INPP4B: variants seen among roughly 807,000 people sequenced by gnomAD.
The protein encoded by INPP4B is inositol polyphosphate-4-phosphatase type II B.
Under a neutral mutation model 122.5 loss-of-function variants are expected in INPP4B, and 55 were observed. The observed-to-expected ratio is 0.45, with a 90% CI of 0.36 to 0.56. The LOEUF is 0.56. Among genes scored for constraint, INPP4B ranks in the 20% least tolerant of loss-of-function variants. The pLI, the probability that INPP4B is intolerant of heterozygous loss-of-function variation, is 0.00. For synonymous variants in INPP4B, 403 were observed against 388.7 expected (o/e 1.04, Z -0.43); for missense variants, 1,000 against 1,097.7 (o/e 0.91, Z 1.26).
chr4:142,763,211 C>A (rs1456033247), intron 1 of INPP4B, among the ~76,000 whole-genome samples: 1 of 152,158 alleles, frequency 6.6e-6, no homozygotes, highest in African/African-American at 2.4e-5. Flanking sequence ...TTATTTCAAT[C>A]TTAAATGATA....
intron 3 of INPP4B, among the ~76,000 whole-genome samples, chr4:142,444,283 T>C (rs927888108): frequency 1.3e-5 from 2 of 152,118 alleles, no homozygotes; most frequent in African/African-American, 4.8e-5. Context: ...AATGGATAGA[T>C]TGCAAAAATT....
intron 22 of INPP4B, 65 bp from the exon 23 acceptor site, chr4:142,108,255 C>T: frequency 2.5e-6 from 2 of 812,992 alleles, no homozygotes; most frequent in Non-Finnish European, 2.1e-6. Context: ...ACACATTTTA[C>T]CTTTCCTTTT....
chr4:142,442,639 G>C (rs1010487968), intron 3 of INPP4B, among the ~76,000 whole-genome samples: 1 of 152,062 alleles, frequency 6.6e-6, no homozygotes, highest in African/African-American at 2.4e-5. Context: ...CTTAAATGAT[G>C]CATGAAATCA....
intron 1 of INPP4B, among the ~76,000 whole-genome samples, chr4:142,797,327 C>A (rs917215761): frequency 6.6e-6 from 1 of 151,874 alleles, no homozygotes; most frequent in East Asian, 1.9e-4. Flanking sequence ...TGAAACATAG[C>A]ACCTATAAAA....
intron 2 of INPP4B, among the ~76,000 whole-genome samples, chr4:142,548,219 G>T (rs28705195): frequency 6.6e-6 from 1 of 152,144 alleles, no homozygotes; most frequent in Non-Finnish European, 1.5e-5. Context: ...AGTCATGACA[G>T]AGCAATGTTT....
chr4:142,718,105 T>C (rs1363557259), intron 2 of INPP4B, among the ~76,000 whole-genome samples: 1 of 151,824 alleles, frequency 6.6e-6, no homozygotes, highest in Non-Finnish European at 1.5e-5. Flanking sequence ...AACATCTGGG[T>C]GAGGAATCGA....
intron 1 of INPP4B, among the ~76,000 whole-genome samples, chr4:142,753,495 G>T (rs1169544751): frequency 1.3e-5 from 2 of 151,972 alleles, no homozygotes; most frequent in Admixed American, 6.6e-5. Context: ...ATAAAGACCA[G>T]GTCAGCCCAG....
At chr4:142,250,398 C>G (rs1285545416) in intron 11 of INPP4B, among the ~76,000 whole-genome samples, 1 of 152,194 alleles carries the variant, frequency 6.6e-6, no homozygotes, top group African/African-American at 2.4e-5. Context: ...CTTCATAACT[C>G]ACTGGAGACT....
chr4:142,365,981 CTCCTGTGACCTGCACATGTATG>C (rs1446774659), intron 7 of INPP4B, among the ~76,000 whole-genome samples: 1 of 152,040 alleles, frequency 6.6e-6, no homozygotes, highest in African/African-American at 2.4e-5. Flanking sequence ...GGTATCATAT[CTCCTGTGACCTGCACATGTATG>C]TCCAGATCAC....
intron 21 of INPP4B, among the ~76,000 whole-genome samples, chr4:142,121,884 G>A (rs1489874431): frequency 6.6e-6 from 1 of 151,938 alleles, no homozygotes; most frequent in Non-Finnish European, 1.5e-5. Context: ...TGAATTTCTT[G>A]TATTTTGTGG....
At chr4:142,279,972 A>G (rs970676136) in intron 9 of INPP4B, among the ~76,000 whole-genome samples, 1 of 152,020 alleles carries the variant, frequency 6.6e-6, no homozygotes, top group Non-Finnish European at 1.5e-5. Context: ...AAAAGGATAT[A>G]TGGATGGCAA....
intron 1 of INPP4B, among the ~76,000 whole-genome samples, chr4:142,755,868 C>G (rs1770433792): frequency 6.6e-6 from 1 of 151,942 alleles, no homozygotes; most frequent in Non-Finnish European, 1.5e-5. Context: ...ATAACAAACA[C>G]TAGTAGTTTC....
chr4:142,837,914 AT>A (rs1295212730), intron 1 of INPP4B, among the ~76,000 whole-genome samples: 1 of 152,156 alleles, frequency 6.6e-6, no homozygotes, highest in African/African-American at 2.4e-5. Context: ...TAGCAAAAAC[AT>A]TACCAATAAT....
intron 16 of INPP4B, among the ~76,000 whole-genome samples, chr4:142,167,997 G>A (rs951019653): frequency 6.6e-6 from 1 of 150,488 alleles, no homozygotes; most frequent in African/African-American, 2.4e-5. Context: ...GCTTGAGGAT[G>A]TGACTTTATT....
intron 14 of INPP4B, among the ~76,000 whole-genome samples, chr4:142,197,039 T>C (rs755193771): frequency 7.2e-6 from 1 of 139,246 alleles, no homozygotes; most frequent in Non-Finnish European, 1.5e-5. Context: ...GGCAGGAGAA[T>C]CGCATGAACC....
chr4:142,741,941 G>C (rs1003906940), intron 1 of INPP4B, among the ~76,000 whole-genome samples: 1 of 151,832 alleles, frequency 6.6e-6, no homozygotes, highest in Non-Finnish European at 1.5e-5. Flanking sequence ...AAAAAAAGAA[G>C]TTTCAATTTT....
At chr4:142,278,180 A>G (rs936157491) in intron 9 of INPP4B, among the ~76,000 whole-genome samples, 3 of 151,972 alleles carry the variant, frequency 2.0e-5, no homozygotes. Flanking sequence ...ACCTAAACGG[A>G]ACACAAGGAG....
intron 10 of INPP4B, among the ~76,000 whole-genome samples, chr4:142,268,887 C>G (rs1448795648): frequency 6.6e-6 from 1 of 151,992 alleles, no homozygotes; most frequent in African/African-American, 2.4e-5. Flanking sequence ...GTTTTTTTCC[C>G]CCGACGAACA....
intron 23 of INPP4B, among the ~76,000 whole-genome samples, chr4:142,097,016 T>C (rs967849626): frequency 1.3e-5 from 2 of 152,022 alleles, no homozygotes; most frequent in Non-Finnish European, 2.9e-5. Flanking sequence ...GGAACACTTA[T>C]TTAAAAAATG....
Sources: gnomAD v4.1 joint callset for allele counts (sites outside exome capture counted in the v4.1 genomes callset) on GRCh38, gnomAD v4.1.1 for gene constraint, MANE v1.5 for transcripts, NCBI Gene and HGNC (gene_info 2026-07-23, HGNC 2026-07-21) for gene names.